NPAS1: variants seen among roughly 807,000 people sequenced by gnomAD.
NPAS1 encodes the protein neuronal PAS domain-containing protein 1.
Under a neutral mutation model 49.2 loss-of-function variants are expected in NPAS1, and 29 were observed. That is an observed-to-expected ratio of 0.59 (90% CI 0.44 to 0.80). The LOEUF (loss-of-function observed/expected upper bound fraction) is 0.80, where lower values mean the gene tolerates loss of function less well. Among genes scored for constraint, NPAS1 ranks in the 30% least tolerant of loss-of-function variants. The probability of loss-of-function intolerance (pLI) is 0.00; values close to 1 mark genes in which losing one functional copy is unlikely to be tolerated. For missense variants in NPAS1, 825 were observed against 835.5 expected, an observed-to-expected ratio of 0.99 and a Z score of 0.15; for synonymous variants, 408 against 380.4, an observed-to-expected ratio of 1.07 and a Z score of -0.84.
At chr19:47,038,532 AAG>A (rs2056984924) in intron 6 of NPAS1, among the ~76,000 whole-genome samples, 1 of 151,658 alleles carries the variant, frequency 6.6e-6, no homozygotes, top group Non-Finnish European at 1.5e-5. Flanking sequence ...AAAAAAAAAA[AAG>A]ACATGGATGG....
In NPAS1 at chr19:47,041,056, T is replaced by G; in HGVS notation, c.1148T>G (p.Val383Gly). Residue 383 changes from valine (V) to glycine (G), a missense_variant, in exon 10 of 12, where the codon GTG becomes GGG. Physicochemically the swap from Val to Gly is moderately radical, Grantham distance 109. Coordinates refer to ENST00000602212, the MANE Select transcript of NPAS1 (RefSeq NM_002517.4). The stretch of plus-strand genomic sequence containing the variant: ...GGGGGCTTCGTGTGGCTGCAGTCTG[T>G]GGCCACAGTGGCTGGGAGCGGGAAG... ...RAGGFVWLQSVATVAGSGKSP... is the reference protein window; with the variant it reads ...RAGGFVWLQSGATVAGSGKSP... 1 of 1,592,098 alleles carries G rather than the reference T, an allele frequency of 6.3e-7. No individual in the cohort carries two copies. The highest frequency in any genetic ancestry group is 8.5e-7 in the Non-Finnish European group (1 of 1,171,926).
intron 3 of NPAS1, among the ~76,000 whole-genome samples, chr19:47,026,193 C>A (rs918128436): frequency 1.3e-5 from 2 of 152,196 alleles, no homozygotes; most frequent in African/African-American, 4.8e-5. Flanking sequence ...TCCACCTCAG[C>A]CTCCCAAAGT....
Position 47,038,968 on chromosome 19 carries a change from C to A in NPAS1, c.689-68C>A, listed in dbSNP as rs528120568. The A allele has an allele frequency of 1.6e-5, 22 of 1,386,718 alleles. No homozygotes were observed. The African/African-American group carries it at 2.8e-4, about 18-fold the overall frequency. The allele number at this position is 1,386,718 out of a possible 1,614,324, so 85.9% of individuals were successfully genotyped here. ...TTGTGTCTATGTCCGGCTGGCTCTG[C>A]AAGGGTCAGGGTGGCCTGTGTGTTT... On this transcript the variant is annotated intron_variant, in intron 6 of 11. Transcript: ENST00000602212.
chr19:47,040,797 G>A, intron 9 of NPAS1, 181 bp from the exon 10 acceptor site: 1 of 631,960 alleles, frequency 1.6e-6, no homozygotes, highest in South Asian at 2.1e-5. Context: ...CTCGCTGCTG[G>A]GCTACCTCTC....
Position 47,021,211 on chromosome 19 carries a change from G to C in NPAS1, c.122+42G>C. ...CCCCCTGGCCGCGGGCCCCCCCCCG[G>C]GTCCAATTCACACCCGATGTTCTGT... On this transcript the variant is annotated intron_variant, in intron 2 of 11. Coordinates refer to ENST00000602212, the MANE Select transcript of NPAS1 (RefSeq NM_002517.4). The surrounding 1 kb of genome is among the most constrained non-coding windows in gnomAD (Gnocchi z 5.7). 1.4e-6 allele frequency: 2 copies of C among 1,471,262 alleles called. No homozygotes were observed. Among genetic ancestry groups the C allele is most frequent in the South Asian group, 1.4e-5 (1 of 73,642 alleles). 91.1% of individuals were successfully genotyped at this position (1,471,262 alleles called of 1,614,324 possible).
chr19:47,033,814 C>CA (rs1309674618), intron 5 of NPAS1, among the ~76,000 whole-genome samples: 2 of 136,368 alleles, frequency 1.5e-5, no homozygotes, highest in African/African-American at 5.4e-5. Flanking sequence ...ACCATCTCTA[C>CA]AAAAAAACTT....
intron 9 of NPAS1, 82 bp downstream of exon 9, chr19:47,040,632 C>T: frequency 1.1e-6 from 1 of 950,716 alleles, no homozygotes; most frequent in Non-Finnish European, 1.6e-6. Flanking sequence ...GGAAGTCCTT[C>T]TTCAGGGCTG....
intron 3 of NPAS1, among the ~76,000 whole-genome samples, chr19:47,030,161 T>C (rs768220737): frequency 6.6e-6 from 1 of 152,056 alleles, no homozygotes; most frequent in Non-Finnish European, 1.5e-5. Flanking sequence ...GTAGCTGGGA[T>C]TATAGGTGCA....
At chr19:47,034,361 T>C (rs930653258) in intron 5 of NPAS1, among the ~76,000 whole-genome samples, 2 of 147,368 alleles carry the variant, frequency 1.4e-5, no homozygotes, top group African/African-American at 5.0e-5. Flanking sequence ...GAAAGCCCCA[T>C]CCTTGGAGCC....
intron 4 of NPAS1, 122 bp from the exon 5 acceptor site, chr19:47,032,521 C>T (rs886240837): frequency 8.0e-6 from 9 of 1,118,206 alleles, no homozygotes; most frequent in Non-Finnish European, 1.2e-5. Flanking sequence ...CTGAAGCCCC[C>T]TCCCCACCAA....
intron 8 of NPAS1, among the ~76,000 whole-genome samples, chr19:47,039,901 G>A (rs79321516): frequency 4.4e-4 from 64 of 145,564 alleles, no homozygotes; most frequent in African/African-American, 1.4e-3. Flanking sequence ...CCTGCATCCC[G>A]CAGTGGAGGC....
At position 47,021,063 on chromosome 19, in the gene NPAS1, C is replaced by T; in HGVS notation, c.16C>T (p.Pro6Ser). 1.2e-6 allele frequency: 2 copies of T among 1,606,922 alleles called. No individual in the cohort carries two copies. Among genetic ancestry groups the T allele is most frequent in the Non-Finnish European group, 1.7e-6 (2 of 1,177,590 alleles). ...CCCCCCGGAGATGGCGGCCCCCTAT[C>T]CCGGCAGTGGCGGCGGAAGCGAGGT... MAAPY[P>S]GSGGGSEVKC... The change falls in exon 2 of 12, where the codon CCC becomes TCC. Residue 6 changes from proline (P) to serine (S), a missense_variant. Transcript: ENST00000602212. This position sits in a 1 kb window ranked among gnomAD's most constrained non-coding sequence, Gnocchi z 5.7.
At chr19:47,035,485 A>G (rs2056945216) in intron 5 of NPAS1, 1 of 155,424 alleles carries the variant, frequency 6.4e-6, no homozygotes, top group South Asian at 1.9e-4. Context: ...GGGGACTGCT[A>G]GGAGAGAGAT....
At position 47,025,367 on chromosome 19, in the gene NPAS1, CT is replaced by C. The variant is rs1222251317; in HGVS notation, c.358+3521del. 1.5e-5 allele frequency among the ~76,000 whole-genome samples: 2 copies of C among 133,642 alleles called. 1 individual carries two copies. The highest frequency in any genetic ancestry group is 3.4e-5 in the Non-Finnish European group (2 of 59,360). The allele number at this position is 133,642 out of a possible 152,430, so 87.7% of individuals were successfully genotyped here. ...GATCTCGGCTCACTGCAACCTCCTT[CT>C]CCTGGGTTCAAGCGATTCTCCTGCT... On this transcript the variant is annotated intron_variant, in intron 3 of 11. Transcript: ENST00000602212.
chr19:47,026,184 C>T (rs979472592), intron 3 of NPAS1, among the ~76,000 whole-genome samples: 1 of 152,130 alleles, frequency 6.6e-6, no homozygotes, highest in African/African-American at 2.4e-5. Context: ...GGTGATCCAT[C>T]CACCTCAGCC....
At chr19:47,040,292 G>A in intron 8 of NPAS1, 152 bp from the exon 9 acceptor site, 1 of 584,604 alleles carries the variant, frequency 1.7e-6, no homozygotes, top group Non-Finnish European at 3.1e-6. Flanking sequence ...CAAAGTGCTG[G>A]GATTACAGGT....
chr19:47,039,623 C>A, intron 8 of NPAS1, 59 bp downstream of exon 8: 1 of 1,501,884 alleles, frequency 6.7e-7, no homozygotes, highest in Middle Eastern at 1.9e-4. Context: ...TCTGGGGGTA[C>A]ATGGGGAGTC....
At chr19:47,033,854 T>C (rs186218236) in intron 5 of NPAS1, among the ~76,000 whole-genome samples, 294 of 143,000 alleles carry the variant, frequency 2.1e-3, no homozygotes, top group Middle Eastern at 3.6e-3. Context: ...TGGCACACTG[T>C]TGTCCCAGCT....
At chr19:47,032,473 C>A (rs2056913344) in intron 4 of NPAS1, 122 bp downstream of exon 4, 1 of 1,156,292 alleles carries the variant, frequency 8.6e-7, no homozygotes, top group South Asian at 1.3e-5. Context: ...AAGGCGAATG[C>A]TCAAGATCCC....
Sources: gnomAD v4.1 joint callset for allele counts (sites outside exome capture counted in the v4.1 genomes callset) on GRCh38, gnomAD v4.1.1 for gene constraint, Gnocchi (gnomAD v3.1) non-coding constraint, MANE v1.5 for transcripts, NCBI Gene and HGNC (gene_info 2026-07-23, HGNC 2026-07-21) for gene names.